Variants in PPP2R2B observed in about 807,000 individuals in gnomAD.
PPP2R2B encodes the protein protein phosphatase 2 regulatory subunit Bbeta, also known as serine/threonine-protein phosphatase 2A 55 kDa regulatory subunit B beta isoform.
PPP2R2B carries 5 observed loss-of-function variants against 46.0 expected under a neutral mutation model. That is an observed-to-expected ratio of 0.11 (90% CI 0.06 to 0.23). The LOEUF is 0.23. Ranked by LOEUF, PPP2R2B falls within the 10% of genes least tolerant of loss-of-function variation. The pLI, the probability that PPP2R2B is intolerant of heterozygous loss-of-function variation, is 1.00. For synonymous variants in PPP2R2B, 215 were observed against 206.7 expected (o/e 1.04, Z -0.34); for missense variants, 367 against 575.0 (o/e 0.64, Z 3.70).
intron 2 of PPP2R2B, among the ~76,000 whole-genome samples, chr5:146,805,993 A>T (rs1053801702): frequency 4.6e-5 from 7 of 152,218 alleles, no homozygotes; most frequent in Non-Finnish European, 1.0e-4. Context: ...GCCAATAAAG[A>T]AGTAACATCA....
intron 1 of PPP2R2B, among the ~76,000 whole-genome samples, chr5:146,916,680 C>G (rs770078180): frequency 6.6e-6 from 1 of 152,196 alleles, no homozygotes; most frequent in Non-Finnish European, 1.5e-5. Flanking sequence ...GCTCCAGATT[C>G]TTGCTATGTA....
intron 2 of PPP2R2B, among the ~76,000 whole-genome samples, chr5:146,801,171 G>A (rs941398494): frequency 6.6e-6 from 1 of 152,160 alleles, no homozygotes; most frequent in Non-Finnish European, 1.5e-5. Context: ...CAGGGCCTGA[G>A]GGGGTGGGGA....
intron 2 of PPP2R2B, among the ~76,000 whole-genome samples, chr5:146,824,813 G>A (rs1292934226): frequency 6.6e-6 from 1 of 151,462 alleles, no homozygotes; most frequent in African/African-American, 2.4e-5. Flanking sequence ...TGCCTCCTGG[G>A]TTCAAATGAT....
intron 5 of PPP2R2B, among the ~76,000 whole-genome samples, chr5:146,678,573 T>C (rs377515377): frequency 3.0e-5 from 4 of 134,922 alleles, no homozygotes; most frequent in Non-Finnish European, 6.1e-5. Flanking sequence ...AAATAAAGGG[T>C]ATTCAATTAG....
intron 7 of PPP2R2B, among the ~76,000 whole-genome samples, chr5:146,621,421 A>T (rs1773690055): frequency 6.6e-6 from 1 of 152,180 alleles, no homozygotes; most frequent in Admixed American, 6.5e-5. Context: ...ATATAGCATC[A>T]TTTTTCCTCC....
intron 2 of PPP2R2B, among the ~76,000 whole-genome samples, chr5:146,840,385 A>T (rs1248042622): frequency 6.6e-6 from 1 of 152,222 alleles, no homozygotes; most frequent in Non-Finnish European, 1.5e-5. Flanking sequence ...AATTAAATGA[A>T]ATGACATATC....
chr5:146,720,371 T>C (rs979302973), intron 2 of PPP2R2B, among the ~76,000 whole-genome samples: 12 of 152,190 alleles, frequency 7.9e-5, no homozygotes, highest in Non-Finnish European at 1.8e-4. Context: ...ACTGCATGAA[T>C]TCACTATTCA....
chr5:146,816,683 T>G (rs1253588812), intron 2 of PPP2R2B, among the ~76,000 whole-genome samples: 3 of 152,172 alleles, frequency 2.0e-5, no homozygotes, highest in South Asian at 2.1e-4. Context: ...AAACACAGGT[T>G]TTTTATTAAA....
intron 1 of PPP2R2B, among the ~76,000 whole-genome samples, chr5:147,003,250 C>T (rs1048268885): frequency 6.6e-6 from 1 of 152,010 alleles, no homozygotes; most frequent in African/African-American, 2.4e-5. Context: ...TAATGATAAG[C>T]CTCCTCTAAT....
intron 2 of PPP2R2B, among the ~76,000 whole-genome samples, chr5:147,066,649 T>G (rs918378311): frequency 2.0e-5 from 3 of 152,208 alleles, no homozygotes; most frequent in Admixed American, 2.0e-4. Context: ...TATCAACTTT[T>G]CAATAAGTGT....
chr5:146,780,761 T>A (rs1755460777), intron 2 of PPP2R2B, among the ~76,000 whole-genome samples: 1 of 152,172 alleles, frequency 6.6e-6, no homozygotes, highest in Non-Finnish European at 1.5e-5. Context: ...CATGAGTCCA[T>A]GACAATTCTC....
At chr5:146,636,915 C>T (rs1398865967) in intron 7 of PPP2R2B, among the ~76,000 whole-genome samples, 1 of 152,200 alleles carries the variant, frequency 6.6e-6, no homozygotes, top group Non-Finnish European at 1.5e-5. Context: ...ACTCTTCTTT[C>T]TGTTTCCCAC....
chr5:146,621,406 A>G (rs1272065268), intron 7 of PPP2R2B, among the ~76,000 whole-genome samples: 1 of 152,206 alleles, frequency 6.6e-6, no homozygotes, highest in Non-Finnish European at 1.5e-5. Flanking sequence ...GCTCTATGGC[A>G]TCTCATATAG....
intron 7 of PPP2R2B, among the ~76,000 whole-genome samples, chr5:146,635,476 A>G (rs766515064): frequency 6.6e-6 from 1 of 152,180 alleles, no homozygotes; most frequent in Non-Finnish European, 1.5e-5. Flanking sequence ...CAAGCTTCCC[A>G]GTCAGTTGAT....
intron 1 of PPP2R2B, among the ~76,000 whole-genome samples, chr5:146,990,035 A>T: frequency 6.6e-6 from 1 of 150,988 alleles, no homozygotes; most frequent in Non-Finnish European, 1.5e-5. Context: ...AAGGAGGTGA[A>T]ATATCTCTAC....
chr5:146,738,882 G>A (rs1284303454), intron 2 of PPP2R2B, among the ~76,000 whole-genome samples: 1 of 152,098 alleles, frequency 6.6e-6, no homozygotes, highest in Non-Finnish European at 1.5e-5. Flanking sequence ...GTCATTAGTT[G>A]GTGTGACTAG....
chr5:146,807,767 G>A (rs554264946), intron 2 of PPP2R2B, among the ~76,000 whole-genome samples: 2 of 130,146 alleles, frequency 1.5e-5, no homozygotes, highest in East Asian at 4.6e-4. Flanking sequence ...AAACCTCCTG[G>A]GGTGCCTTCT....
chr5:147,043,373 T>C (rs1185348453), intron 1 of PPP2R2B, among the ~76,000 whole-genome samples: 1 of 152,090 alleles, frequency 6.6e-6, no homozygotes, highest in African/African-American at 2.4e-5. Context: ...CTAGCAGGAC[T>C]GGTGGTGTTT....
intron 2 of PPP2R2B, among the ~76,000 whole-genome samples, chr5:147,074,085 C>A (rs992646232): frequency 6.6e-6 from 1 of 151,870 alleles, no homozygotes; most frequent in Non-Finnish European, 1.5e-5. Flanking sequence ...TACACAGGTC[C>A]TTTGACTCCA....
Sources: allele counts gnomAD v4.1 joint callset (sites outside exome capture counted in the v4.1 genomes callset), GRCh38; gene constraint gnomAD v4.1.1; transcripts MANE v1.5; gene names NCBI Gene and HGNC (gene_info 2026-07-23, HGNC 2026-07-21).